The following CCDC91 variants were observed in gnomAD, a reference collection of about 807,000 sequenced individuals.
The protein encoded by CCDC91 is coiled-coil domain-containing protein 91.
CCDC91 carries 48 observed loss-of-function variants against 63.2 expected under a neutral mutation model. That is an observed-to-expected ratio of 0.76 (90% CI 0.60 to 0.97). The LOEUF is 0.97. Ranked by LOEUF, CCDC91 falls within the 50% of genes least tolerant of loss-of-function variation. The pLI, the probability that CCDC91 is intolerant of heterozygous loss-of-function variation, is 0.00. For synonymous variants in CCDC91, 167 were observed against 165.8 expected (o/e 1.01, Z -0.06); for missense variants, 500 against 494.6 (o/e 1.01, Z -0.10).
At position 28,456,851 on chromosome 12, in the gene CCDC91, G is replaced by A. The variant is rs185494732; in HGVS notation, c.1101+4197G>A. Among the ~76,000 whole-genome samples the A allele has an allele frequency of 4.6e-5, 7 of 152,186 alleles. No individual in the cohort carries two copies. The East Asian group carries it at 5.8e-4, about 13-fold the overall frequency. ...GAAATGGAATTCAGGGGAGTTGTCAGGCCTGGAGATAGAAATTTTGGATTA... is the reference window on the plus strand; with the variant it reads ...GAAATGGAATTCAGGGGAGTTGTCAAGCCTGGAGATAGAAATTTTGGATTA... On this transcript the variant is annotated intron_variant, in intron 11 of 12. Coordinates refer to ENST00000536442, the MANE Select transcript of CCDC91 (RefSeq NM_018318.5).
At chr12:28,303,233 T>TG (rs758338512) in intron 3 of CCDC91, among the ~76,000 whole-genome samples, 13 of 152,010 alleles carry the variant, frequency 8.6e-5, no homozygotes, top group South Asian at 2.1e-4. Context: ...AAGAAGAAAA[T>TG]GGAGACGGGT....
chr12:28,433,138 T>A (rs541720114), intron 8 of CCDC91, among the ~76,000 whole-genome samples: 31 of 151,980 alleles, frequency 2.0e-4, no homozygotes, highest in Non-Finnish European at 3.4e-4. Context: ...ACATCAATCT[T>A]ACGTATTTTA....
chr12:28,400,127 C>T (rs1275472920), intron 8 of CCDC91, among the ~76,000 whole-genome samples: 1 of 152,204 alleles, frequency 6.6e-6, no homozygotes, highest in East Asian at 1.9e-4. Context: ...TCTGCCTGGA[C>T]ATCCAGGCAT....
chr12:28,429,415 A>G (rs1948509074), intron 8 of CCDC91, among the ~76,000 whole-genome samples: 2 of 152,178 alleles, frequency 1.3e-5, no homozygotes, highest in South Asian at 4.1e-4. Context: ...TGTACCAGGC[A>G]ACATACTAGA....
chr12:28,344,229 A>T (rs1942646504), intron 6 of CCDC91, among the ~76,000 whole-genome samples: 1 of 152,112 alleles, frequency 6.6e-6, no homozygotes, highest in African/African-American at 2.4e-5. Context: ...AGTTAATAAA[A>T]CCACATACTA....
intron 1 of CCDC91, among the ~76,000 whole-genome samples, chr12:28,249,035 G>A (rs1945945560): frequency 6.6e-6 from 1 of 152,146 alleles, no homozygotes; most frequent in Admixed American, 6.5e-5. Context: ...GAAGTTGAGG[G>A]ACTTCTCTTA....
chr12:28,361,172 A>T (rs1943853342), intron 6 of CCDC91, among the ~76,000 whole-genome samples: 1 of 151,104 alleles, frequency 6.6e-6, no homozygotes, highest in South Asian at 2.1e-4. Context: ...TTAAATTTTT[A>T]AATTTTTATT....
chr12:28,398,692 A>G (rs1211737350), intron 8 of CCDC91, among the ~76,000 whole-genome samples: 1 of 151,998 alleles, frequency 6.6e-6, no homozygotes, highest in Non-Finnish European at 1.5e-5. Context: ...CATCTTTTTC[A>G]CTTTAGCCAG....
intron 7 of CCDC91, among the ~76,000 whole-genome samples, chr12:28,364,731 TA>T (rs35167392): frequency 0.41 from 61,894 of 151,988 alleles, 12,910 homozygotes; most frequent in Middle Eastern, 0.49. Flanking sequence ...GTAAAATAAT[TA>T]TCACATGAAC....
intron 1 of CCDC91, among the ~76,000 whole-genome samples, chr12:28,252,013 C>G (rs1307142943): frequency 6.6e-6 from 1 of 152,136 alleles, no homozygotes. Flanking sequence ...CAGGTGTGAA[C>G]ATGACTTTAT....
At chr12:28,409,403 T>A (rs1947173894) in intron 8 of CCDC91, among the ~76,000 whole-genome samples, 1 of 152,150 alleles carries the variant, frequency 6.6e-6, no homozygotes, top group South Asian at 2.1e-4. Context: ...CTTTGGTGAT[T>A]ATCTCTTGTC....
chr12:28,298,481 T>G (rs1287624520), intron 3 of CCDC91, among the ~76,000 whole-genome samples: 1 of 151,260 alleles, frequency 6.6e-6, no homozygotes, highest in Non-Finnish European at 1.5e-5. Context: ...TTAACGTGAC[T>G]CCTGGGGGTT....
intron 3 of CCDC91, among the ~76,000 whole-genome samples, chr12:28,276,082 C>T (rs1592176622): frequency 6.6e-6 from 1 of 152,068 alleles, no homozygotes; most frequent in Non-Finnish European, 1.5e-5. Flanking sequence ...TGCCCTCTCT[C>T]ACCACTCCTA....
chr12:28,417,717 TA>T (rs1486272260), intron 8 of CCDC91, among the ~76,000 whole-genome samples: 1 of 151,956 alleles, frequency 6.6e-6, no homozygotes, highest in African/African-American at 2.4e-5. Flanking sequence ...ATCACAATGT[TA>T]TTTTTTTATG....
chr12:28,343,940 G>T (rs1300483992), intron 6 of CCDC91, among the ~76,000 whole-genome samples: 2 of 152,092 alleles, frequency 1.3e-5, no homozygotes, highest in East Asian at 1.9e-4. Context: ...TGGCTTGCCA[G>T]CTACTTTTGC....
At chr12:28,204,998 T>C (rs1942737810) in intron 1 of CCDC91, among the ~76,000 whole-genome samples, 1 of 152,182 alleles carries the variant, frequency 6.6e-6, no homozygotes, top group African/African-American at 2.4e-5. Context: ...CAGTTGACAT[T>C]TCTTTAGGAC....
chr12:28,412,659 T>C, intron 8 of CCDC91: 1 of 417,434 alleles, frequency 2.4e-6, no homozygotes, highest in Non-Finnish European at 4.7e-6. Context: ...TTCCAGAGCA[T>C]GGAAGGGGAC....
intron 8 of CCDC91, among the ~76,000 whole-genome samples, chr12:28,427,658 A>G (rs1307681276): frequency 2.0e-5 from 3 of 152,190 alleles, no homozygotes; most frequent in Admixed American, 6.5e-5. Context: ...GATTTTGGCT[A>G]TGATTCACTA....
At chr12:28,326,624 C>T (rs1941034339) in intron 6 of CCDC91, among the ~76,000 whole-genome samples, 2 of 141,390 alleles carry the variant, frequency 1.4e-5, no homozygotes, top group Admixed American at 1.5e-4. Flanking sequence ...TTGTTCAGTT[C>T]CCACCTATGA....
Sources: allele counts gnomAD v4.1 joint callset (sites outside exome capture counted in the v4.1 genomes callset), GRCh38; gene constraint gnomAD v4.1.1; transcripts MANE v1.5; gene names NCBI Gene and HGNC (gene_info 2026-07-23, HGNC 2026-07-21).